The following EXOC4 variants were observed in gnomAD, a reference collection of about 807,000 sequenced individuals.
EXOC4 encodes the protein exocyst complex component 4, also known as SEC8-like 1.
In EXOC4, 71 loss-of-function variants were observed where a neutral mutation model predicts 107.2. The observed-to-expected ratio is 0.66, with a 90% confidence interval of 0.55 to 0.81. The LOEUF is 0.81. EXOC4 is among the 30% of genes least tolerant of loss of function. The probability of loss-of-function intolerance (pLI) is 0.00; values close to 1 mark genes in which losing one functional copy is unlikely to be tolerated. For missense variants in EXOC4, 1,108 were observed against 1,189.6 expected (o/e 0.93, Z 1.01); for synonymous variants, 456 against 441.2 (o/e 1.03, Z -0.42).
the EXOC4 span, among the ~76,000 whole-genome samples, chr7:134,096,250 C>G: frequency 6.6e-6 from 1 of 152,084 alleles, no homozygotes; most frequent in African/African-American, 2.4e-5. Flanking sequence ...AAAGGAAGAA[C>G]TTTACATAGG....
At chr7:133,597,881 G>A (rs1056468268) in intron 9 of EXOC4, among the ~76,000 whole-genome samples, 29 of 151,754 alleles carry the variant, frequency 1.9e-4, no homozygotes, top group African/African-American at 7.0e-4. Flanking sequence ...GCATGTTGGC[G>A]GCGGGCACCT....
chr7:134,032,252 CA>C (rs1795287396), intron 17 of EXOC4, among the ~76,000 whole-genome samples: 1 of 152,164 alleles, frequency 6.6e-6, no homozygotes, highest in South Asian at 2.1e-4. Flanking sequence ...TACACTAAAG[CA>C]TTCAGTGTGT....
chr7:133,811,118 C>T (rs1797218732), intron 10 of EXOC4, among the ~76,000 whole-genome samples: 1 of 152,124 alleles, frequency 6.6e-6, no homozygotes, highest in Non-Finnish European at 1.5e-5. Flanking sequence ...CTCTCATAGT[C>T]TCTTTTTCCA....
rs543785755 is a variant in EXOC4 at position 133,650,131 on chromosome 7, A to G, written c.1514+19990A>G. On this transcript the variant is annotated intron_variant, in intron 10 of 17. Transcript: ENST00000253861. ...TTTTTCCTCTATTTTTCAGTTTGGTAATTTAATTTTACGGTCATATGTATG... is the reference window on the plus strand; with the variant it reads ...TTTTTCCTCTATTTTTCAGTTTGGTGATTTAATTTTACGGTCATATGTATG... 2.0e-4 allele frequency among the ~76,000 whole-genome samples: 30 copies of G among 152,244 alleles called. 1 individual carries two copies. Among genetic ancestry groups the G allele is most frequent in the Non-Finnish European group, 2.6e-4 (18 of 68,014 alleles).
intron 7 of EXOC4, among the ~76,000 whole-genome samples, chr7:133,453,119 CTG>C (rs753840344): frequency 1.3e-5 from 2 of 152,150 alleles, no homozygotes; most frequent in Non-Finnish European, 2.9e-5. Context: ...AATCTGTAGA[CTG>C]TGAGAATATA....
At chr7:133,999,717 G>A (rs940323629) in intron 15 of EXOC4, among the ~76,000 whole-genome samples, 1 of 152,038 alleles carries the variant, frequency 6.6e-6, no homozygotes, top group East Asian at 1.9e-4. Context: ...CACAATTCCT[G>A]GAATTTATAC....
At chr7:133,415,208 T>C (rs1044542854) in intron 7 of EXOC4, among the ~76,000 whole-genome samples, 1 of 152,222 alleles carries the variant, frequency 6.6e-6, no homozygotes, top group African/African-American at 2.4e-5. Flanking sequence ...TTTCACTTTG[T>C]AGCTATTATG....
intron 17 of EXOC4, among the ~76,000 whole-genome samples, chr7:134,044,349 C>T (rs1315506683): frequency 2.0e-5 from 3 of 152,180 alleles, no homozygotes; most frequent in African/African-American, 7.2e-5. Context: ...GAGACTAATT[C>T]TGAAGGTAGC....
intron 9 of EXOC4, among the ~76,000 whole-genome samples, chr7:133,512,570 A>G (rs1275436274): frequency 6.6e-6 from 1 of 152,102 alleles, no homozygotes; most frequent in Non-Finnish European, 1.5e-5. Flanking sequence ...CATAGGGAAG[A>G]TAGTTGTGAA....
chr7:133,276,519 ATT>A (rs1035540158), intron 2 of EXOC4, among the ~76,000 whole-genome samples: 8 of 152,228 alleles, frequency 5.3e-5, no homozygotes, highest in Admixed American at 2.0e-4. Context: ...ATTTTCAGGC[ATT>A]TTTAAAGCAG....
Position 133,374,126 on chromosome 7 carries a change from A to G in EXOC4, c.1008-702A>G, listed in dbSNP as rs148942927. On this transcript the variant is annotated intron_variant, in intron 6 of 17. Transcript: ENST00000253861. ...AGCTGTAGTGAAAGGTAGGTGGCTA[A>G]ATGTACTGACATGGAAATCAACTTT... 9.8e-5 allele frequency among the ~76,000 whole-genome samples: 15 copies of G among 152,326 alleles called. 1 individual carries two copies. The East Asian group carries it at 2.9e-3, about 29-fold the overall frequency.
chr7:133,331,497 C>T (rs569039666), intron 5 of EXOC4, among the ~76,000 whole-genome samples: 147 of 122,898 alleles, frequency 1.2e-3, no homozygotes, highest in African/African-American at 4.1e-3. Flanking sequence ...GATGGAGTCT[C>T]GCTGTCGCCC....
At chr7:134,069,292 C>G (rs1417470837), downstream of EXOC4, among the ~76,000 whole-genome samples, 1 of 59,490 alleles carries the variant, frequency 1.7e-5, no homozygotes, top group East Asian at 8.8e-4. Context: ...TTCTCCCCCT[C>G]ATTCTCCTCC....
intron 17 of EXOC4, among the ~76,000 whole-genome samples, chr7:134,013,189 C>G (rs924646109): frequency 6.6e-6 from 1 of 152,180 alleles, no homozygotes; most frequent in East Asian, 1.9e-4. Flanking sequence ...GGCAGCCTCT[C>G]TTTTCTCAAG....
At chr7:133,710,444 A>C (rs1794863365) in intron 10 of EXOC4, among the ~76,000 whole-genome samples, 1 of 151,906 alleles carries the variant, frequency 6.6e-6, no homozygotes, top group Non-Finnish European at 1.5e-5. Flanking sequence ...GCGGATCACG[A>C]GGTCAGGAGA....
At chr7:133,481,234 C>T (rs1250165069) in intron 9 of EXOC4, among the ~76,000 whole-genome samples, 1 of 151,990 alleles carries the variant, frequency 6.6e-6, no homozygotes, top group East Asian at 1.9e-4. Flanking sequence ...GAGATACACA[C>T]ACACACACAC....
At chr7:133,894,116 C>T (rs1051226539) in intron 11 of EXOC4, among the ~76,000 whole-genome samples, 1 of 90,802 alleles carries the variant, frequency 1.1e-5, no homozygotes, top group Admixed American at 9.2e-5. Flanking sequence ...TTCTTGGAGG[C>T]TTTGCTCATT....
At chr7:133,935,904 C>A (rs939807202) in intron 13 of EXOC4, among the ~76,000 whole-genome samples, 1 of 152,136 alleles carries the variant, frequency 6.6e-6, no homozygotes, top group Non-Finnish European at 1.5e-5. Context: ...CTTTAAAAAT[C>A]ACACTTAATC....
At chr7:133,800,618 T>G (rs1796918579) in intron 10 of EXOC4, among the ~76,000 whole-genome samples, 1 of 152,220 alleles carries the variant, frequency 6.6e-6, no homozygotes, top group Admixed American at 6.5e-5. Flanking sequence ...GGATTTTCTT[T>G]CTTTTGTTTC....
Sources: gnomAD v4.1 joint callset for allele counts (sites outside exome capture counted in the v4.1 genomes callset) on GRCh38, gnomAD v4.1.1 for gene constraint, MANE v1.5 for transcripts, NCBI Gene and HGNC (gene_info 2026-07-23, HGNC 2026-07-21) for gene names.